The following CAMK4 variants were observed in gnomAD, a reference collection of about 807,000 sequenced individuals.
CAMK4 encodes calcium/calmodulin dependent protein kinase IV.
In CAMK4, 22 loss-of-function variants were observed where a neutral mutation model predicts 44.9. The ratio of observed to expected loss-of-function variants is 0.49; its 90% CI spans 0.35 to 0.70. The LOEUF (loss-of-function observed/expected upper bound fraction) is 0.70. CAMK4 is among the 30% of genes least tolerant of loss of function. The pLI, the probability that CAMK4 is intolerant of heterozygous loss-of-function variation, is 0.01. For synonymous variants in CAMK4, 218 were observed against 215.4 expected, an observed-to-expected ratio of 1.01 and a Z score of -0.11; for missense variants, 498 against 586.8, an observed-to-expected ratio of 0.85 and a Z score of 1.56.
chr5:111,391,791 T>G (rs1279593134), intron 4 of CAMK4, among the ~76,000 whole-genome samples: 1 of 152,184 alleles, frequency 6.6e-6, no homozygotes. Flanking sequence ...ACAACTACCG[T>G]GTTTTTCATA....
chr5:111,228,160 G>C (rs906758186), intron 1 of CAMK4, among the ~76,000 whole-genome samples: 15 of 152,144 alleles, frequency 9.9e-5, no homozygotes, highest in African/African-American at 3.6e-4. Context: ...AAGATGATAA[G>C]AAAACCAGAT....
intron 1 of CAMK4, among the ~76,000 whole-genome samples, chr5:111,270,516 C>T (rs1014753164): frequency 6.6e-6 from 1 of 152,232 alleles, no homozygotes; most frequent in African/African-American, 2.4e-5. Flanking sequence ...AACCTTGGAT[C>T]ACAACCTCTC....
chr5:111,426,862 C>T (rs1472016426), intron 5 of CAMK4, among the ~76,000 whole-genome samples: 7 of 152,190 alleles, frequency 4.6e-5, no homozygotes, highest in African/African-American at 1.4e-4. Flanking sequence ...TGAGTTTCCA[C>T]AAACCTCATC....
At chr5:111,432,474 AT>A (rs1448841768) in intron 5 of CAMK4, among the ~76,000 whole-genome samples, 2 of 151,962 alleles carry the variant, frequency 1.3e-5, no homozygotes, top group Non-Finnish European at 2.9e-5. Flanking sequence ...GGCAATAATA[AT>A]TGTGTGTTTA....
In CAMK4 at chr5:111,290,713, G is replaced by C. The variant is rs565654005; in HGVS notation, c.162-53311G>C. Among the ~76,000 whole-genome samples, 3 of 152,298 alleles carry C rather than the reference G, an allele frequency of 2.0e-5. No individual in the cohort carries two copies. Among genetic ancestry groups the C allele is most frequent in the African/African-American group, 4.8e-5 (2 of 41,552 alleles). On this transcript the variant is annotated intron_variant, in intron 1 of 10. Transcript: ENST00000282356. The surrounding 1 kb of genome is among the most constrained non-coding windows in gnomAD (Gnocchi z 4.5). The stretch of plus-strand genomic sequence containing the variant: ...ATATGTGCGGGTGCCATGGGGTCGA[G>C]TGATGGAATCAGCAGGGAGACTACA...
intron 1 of CAMK4, among the ~76,000 whole-genome samples, chr5:111,226,187 G>A (rs1011778691): frequency 6.6e-6 from 1 of 152,128 alleles, no homozygotes; most frequent in Non-Finnish European, 1.5e-5. Context: ...GCCTCAAATA[G>A]GCTGACTTAT....
At chr5:111,329,512 A>G (rs898045937) in intron 1 of CAMK4, among the ~76,000 whole-genome samples, 2 of 151,920 alleles carry the variant, frequency 1.3e-5, no homozygotes, top group Non-Finnish European at 2.9e-5. Context: ...ATTATTTTAT[A>G]AATATTTAAG....
intron 1 of CAMK4, among the ~76,000 whole-genome samples, chr5:111,303,241 T>C (rs1747810400): frequency 7.6e-6 from 1 of 131,120 alleles, no homozygotes; most frequent in African/African-American, 3.2e-5. Flanking sequence ...CAAAGCTGGA[T>C]GGAGAATGAT....
chr5:111,273,684 T>G, intron 1 of CAMK4, among the ~76,000 whole-genome samples: 1 of 44,472 alleles, frequency 2.2e-5, no homozygotes, highest in African/African-American at 1.6e-4. Flanking sequence ...CATTTATATA[T>G]ATATATATAT....
intron 1 of CAMK4, among the ~76,000 whole-genome samples, chr5:111,332,915 T>C (rs187998216): frequency 6.6e-6 from 1 of 151,796 alleles, no homozygotes; most frequent in African/African-American, 2.4e-5. Context: ...ATCAAAGTCA[T>C]ACTGAACAAG....
intron 1 of CAMK4, among the ~76,000 whole-genome samples, chr5:111,273,408 G>T (rs1002947749): frequency 3.2e-4 from 48 of 151,750 alleles, no homozygotes; most frequent in African/African-American, 1.1e-3. Flanking sequence ...CAGATTGTAA[G>T]ATTCCAAAGT....
chr5:111,442,203 A>C (rs1226998614), intron 5 of CAMK4, among the ~76,000 whole-genome samples: 1 of 152,152 alleles, frequency 6.6e-6, no homozygotes, highest in African/African-American at 2.4e-5. Flanking sequence ...CATAATATGA[A>C]GGCATCTCAG....
intron 5 of CAMK4, among the ~76,000 whole-genome samples, chr5:111,416,997 G>A (rs1730404453): frequency 6.6e-6 from 1 of 152,122 alleles, no homozygotes; most frequent in South Asian, 2.1e-4. Flanking sequence ...TTTAAAGTGT[G>A]TAATTGGAAC....
In CAMK4 at chr5:111,490,640, C is replaced by G. The variant is rs1339096467; in HGVS notation, c.*6174C>G. On this transcript the variant is annotated 3_prime_UTR_variant, in exon 11 of 11. Coordinates refer to ENST00000282356, the MANE Select transcript of CAMK4 (RefSeq NM_001744.6). The stretch of plus-strand genomic sequence containing the variant: ...ATGACCATAAATTGAAAACTATCAT[C>G]TCATACTGCCTCCTTTTAACCTGAC... The G allele has an allele frequency of 1.3e-5, 2 of 152,152 alleles. No individual in the cohort carries two copies. Among genetic ancestry groups the G allele is most frequent in the Admixed American group, 1.3e-4 (2 of 15,266 alleles). 9.4% of individuals were successfully genotyped at this position (152,152 alleles called of 1,614,324 possible).
chr5:111,403,384 T>C lies in CAMK4; in HGVS notation c.459+8602T>C, dbSNP rs148763603. ...TTTTTTGTTGTTTGTTTGAAACCTA[T>C]CAGTTCCTATGGTATTTTCATTTCT... On this transcript the variant is annotated intron_variant, in intron 5 of 10. Coordinates refer to ENST00000282356, the MANE Select transcript of CAMK4 (RefSeq NM_001744.6). Among the ~76,000 whole-genome samples, 517 of 152,322 alleles carry C rather than the reference T, an allele frequency of 3.4e-3. 4 individuals are homozygous for C. Among genetic ancestry groups the C allele is most frequent in the African/African-American group, 0.012 (495 of 41,560 alleles).
At chr5:111,429,917 C>CAAA (rs139404786) in intron 5 of CAMK4, among the ~76,000 whole-genome samples, 60 of 135,802 alleles carry the variant, frequency 4.4e-4, no homozygotes, top group African/African-American at 1.5e-3. Context: ...CAAACTATTC[C>CAAA]AAAAAAAAAA....
intron 5 of CAMK4, among the ~76,000 whole-genome samples, chr5:111,422,897 C>T (rs1753082981): frequency 6.6e-6 from 1 of 152,178 alleles, no homozygotes; most frequent in African/African-American, 2.4e-5. Context: ...GGCCTGTCTC[C>T]TGTGATAGGT....
intron 2 of CAMK4, among the ~76,000 whole-genome samples, chr5:111,353,886 G>T (rs548171983): frequency 3.2e-4 from 49 of 152,194 alleles, no homozygotes; most frequent in African/African-American, 1.2e-3. Flanking sequence ...TGGAGTGAAA[G>T]AATTAATATT....
intron 1 of CAMK4, among the ~76,000 whole-genome samples, chr5:111,301,744 A>T (rs2112647962): frequency 6.6e-6 from 1 of 152,298 alleles, no homozygotes; most frequent in East Asian, 1.9e-4. Context: ...CTGTTTTTTG[A>T]CTGGACTCCA....
Sources: gnomAD v4.1 joint callset for allele counts (sites outside exome capture counted in the v4.1 genomes callset) on GRCh38, gnomAD v4.1.1 for gene constraint, Gnocchi (gnomAD v3.1) non-coding constraint, MANE v1.5 for transcripts, NCBI Gene and HGNC (gene_info 2026-07-23, HGNC 2026-07-21) for gene names.